The following PALD1 variants were observed in gnomAD, a reference collection of about 807,000 sequenced individuals.
PALD1 encodes the protein phosphatase domain containing paladin 1.
PALD1 carries 57 observed loss-of-function variants against 96.0 expected under a neutral mutation model. The ratio of observed to expected loss-of-function variants is 0.59; its 90% CI spans 0.48 to 0.74. The LOEUF is 0.74. Ranked by LOEUF, PALD1 falls within the 30% of genes least tolerant of loss-of-function variation. The probability of loss-of-function intolerance (pLI) is 0.00; values close to 1 mark genes in which losing one functional copy is unlikely to be tolerated. For missense variants in PALD1, 1,063 were observed against 1,143.7 expected (o/e 0.93, Z 1.02); for synonymous variants, 464 against 473.6 (o/e 0.98, Z 0.26).
intron 1 of PALD1, among the ~76,000 whole-genome samples, chr10:70,517,983 A>G (rs948593515): frequency 6.6e-6 from 1 of 152,026 alleles, no homozygotes; most frequent in Admixed American, 6.6e-5. Flanking sequence ...GGCTTACTGC[A>G]ACCTCTGCCT....
chr10:70,536,457 ACTT>A (rs1387037543), intron 10 of PALD1, among the ~76,000 whole-genome samples: 2 of 152,238 alleles, frequency 1.3e-5, no homozygotes, highest in African/African-American at 4.8e-5. Context: ...CAGTGTAAAT[ACTT>A]CTTTGTTGAG....
intron 1 of PALD1, among the ~76,000 whole-genome samples, chr10:70,503,777 C>T (rs1846338629): frequency 6.6e-6 from 1 of 152,180 alleles, no homozygotes. Context: ...GATCTGTCCA[C>T]TTTAACTTTT....
chr10:70,510,019 G>A (rs1000713641), intron 1 of PALD1, among the ~76,000 whole-genome samples: 5 of 152,208 alleles, frequency 3.3e-5, no homozygotes, highest in African/African-American at 1.2e-4. Context: ...CTTCTAGTGG[G>A]GCTTTTTTTT....
chr10:70,477,717 C>T (rs1356112758), upstream of PALD1, among the ~76,000 whole-genome samples: 1 of 152,132 alleles, frequency 6.6e-6, no homozygotes, highest in Non-Finnish European at 1.5e-5. Context: ...CCCAGCCCAG[C>T]GCTCTCCAGC....
At position 70,561,057 on chromosome 10, in the gene PALD1, G is replaced by A. The variant is rs80118308; in HGVS notation, c.2263-3307G>A. Among the ~76,000 whole-genome samples, 1,399 of 152,262 alleles carry A rather than the reference G, an allele frequency of 9.2e-3. 25 individuals are homozygous for A. Among genetic ancestry groups the A allele is most frequent in the African/African-American group, 0.031 (1,308 of 41,526 alleles). On this transcript the variant is annotated intron_variant, in intron 18 of 19. Coordinates refer to ENST00000263563, the MANE Select transcript of PALD1 (RefSeq NM_014431.3). ...AACCTTCTGGGGGCGGGGGTCAGGC[G>A]TCACCTGTACACAGTGGTCTGAATT...
At position 70,541,993 on chromosome 10, in the gene PALD1, A is replaced by C. The variant is rs866990356; in HGVS notation, c.2121+459A>C. Among the ~76,000 whole-genome samples the C allele has an allele frequency of 4.5e-3, 688 of 152,292 alleles. 2 individuals carry two copies. Among genetic ancestry groups the C allele is most frequent in the African/African-American group, 0.016 (646 of 41,572 alleles). ...AGATTTAGTCATCCATGTATTGTGC[A>C]CCTGCCACATGCCACAGGCCATCTT... On this transcript the variant is annotated intron_variant, in intron 17 of 19. Coordinates refer to ENST00000263563, the MANE Select transcript of PALD1 (RefSeq NM_014431.3).
intron 17 of PALD1, among the ~76,000 whole-genome samples, chr10:70,545,580 G>A (rs1161452648): frequency 6.6e-6 from 1 of 152,066 alleles, no homozygotes; most frequent in Non-Finnish European, 1.5e-5. Context: ...GTAAGGGGCA[G>A]ATTATATCAT....
At chr10:70,489,228 G>A (rs1364988126) in intron 1 of PALD1, among the ~76,000 whole-genome samples, 2 of 152,160 alleles carry the variant, frequency 1.3e-5, no homozygotes, top group African/African-American at 4.8e-5. Flanking sequence ...CCTGGGCTCA[G>A]ATTTTCACCC....
chr10:70,467,742 T>C, the PALD1 span, among the ~76,000 whole-genome samples: 61 of 151,780 alleles, frequency 4.0e-4, no homozygotes, highest in African/African-American at 1.4e-3. Flanking sequence ...TTGTGAGGAG[T>C]GAGATCATGA....
chr10:70,495,842 C>CA (rs58815668), intron 1 of PALD1, among the ~76,000 whole-genome samples: 2,976 of 86,640 alleles, frequency 0.034, 67 homozygotes, highest in African/African-American at 0.091. Flanking sequence ...CTTGTCTCTA[C>CA]AAAAAAAAAA....
rs1847866812 is a variant in PALD1 at position 70,566,842 on chromosome 10, C to T, written c.*109C>T. 4 of 673,398 alleles carry T rather than the reference C, an allele frequency of 5.9e-6. No individual in the cohort carries two copies. The South Asian group carries it at 8.0e-5, about 14-fold the overall frequency. The allele number at this position is 673,398 out of a possible 1,614,324, so 41.7% of individuals were successfully genotyped here. A position where few individuals can be genotyped will look rare whatever the true frequency, so the allele number is the denominator to read the frequency against. On this transcript the variant is annotated 3_prime_UTR_variant, in exon 20 of 20. Coordinates refer to ENST00000263563, the MANE Select transcript of PALD1 (RefSeq NM_014431.3). ...GAGGGGTGCTGGCCTTGAAATGATT[C>T]CCCCACTTCCTGGAGAGACTGAGCG...
In PALD1 at chr10:70,534,084, C is replaced by T. The variant is rs562924095; in HGVS notation, c.1022+11C>T. 8.2e-6 allele frequency: 13 copies of T among 1,581,822 alleles called. No homozygotes were observed. The highest frequency in any genetic ancestry group is 6.8e-5 in the East Asian group (3 of 43,892). ...CACCTCCCAGCCAGAGTGAGTGGCC[C>T]GGGGCCCAGCGTCCTGAAGGGCTGT... On this transcript the variant is annotated intron_variant, in intron 8 of 19. Coordinates refer to ENST00000263563, the MANE Select transcript of PALD1 (RefSeq NM_014431.3).
At chr10:70,486,078 G>T in intron 1 of PALD1, 1 of 224,932 alleles carries the variant, frequency 4.4e-6, no homozygotes, top group South Asian at 8.3e-5. Context: ...GATTGTTTAG[G>T]ATTTGAGAGG....
chr10:70,540,053 A>G lies in PALD1; in HGVS notation c.1908+291A>G, dbSNP rs572394426. On this transcript the variant is annotated intron_variant, in intron 15 of 19. Coordinates refer to ENST00000263563, the MANE Select transcript of PALD1 (RefSeq NM_014431.3). This position sits in a 1 kb window ranked among gnomAD's most constrained non-coding sequence, Gnocchi z 4.2. ...TACGTATGTGCATATGTGTTATAAG[A>G]TGTGTGTACATGTGTTTATTATGTT... Among the ~76,000 whole-genome samples the G allele has an allele frequency of 4.0e-5, 6 of 151,570 alleles. No homozygotes were observed. The highest frequency in any genetic ancestry group is 2.0e-4 in the Admixed American group (3 of 15,234).
intron 1 of PALD1, among the ~76,000 whole-genome samples, chr10:70,483,686 T>C (rs767850134): frequency 6.6e-6 from 1 of 152,232 alleles, no homozygotes; most frequent in Non-Finnish European, 1.5e-5. Flanking sequence ...CTTCCCAGAA[T>C]GGAGGCCTGG....
intron 1 of PALD1, among the ~76,000 whole-genome samples, chr10:70,509,281 C>G (rs1415517415): frequency 2.0e-5 from 3 of 152,156 alleles, no homozygotes; most frequent in Non-Finnish European, 2.9e-5. Context: ...GCAGGAAGAG[C>G]CAGCTGCGGA....
At chr10:70,563,841 A>G (rs1847787827) in intron 18 of PALD1, among the ~76,000 whole-genome samples, 1 of 152,186 alleles carries the variant, frequency 6.6e-6, no homozygotes, top group South Asian at 2.1e-4. Flanking sequence ...TGTAGCCTTG[A>G]TGACCCCTGC....
intron 18 of PALD1, among the ~76,000 whole-genome samples, chr10:70,548,255 AGATCGTGCC>A (rs1380181674): frequency 2.6e-5 from 4 of 152,312 alleles, no homozygotes; most frequent in African/African-American, 9.6e-5. Flanking sequence ...CGGTGAGCCA[AGATCGTGCC>A]ATTGCACTCC....
At chr10:70,537,590 G>A (rs763671625) in intron 10 of PALD1, among the ~76,000 whole-genome samples, 1 of 152,230 alleles carries the variant, frequency 6.6e-6, no homozygotes, top group Non-Finnish European at 1.5e-5. Flanking sequence ...ACAGTGCCTG[G>A]TGTGGTCACC....
Sources: gnomAD v4.1 joint callset for allele counts (sites outside exome capture counted in the v4.1 genomes callset) on GRCh38, gnomAD v4.1.1 for gene constraint, Gnocchi (gnomAD v3.1) non-coding constraint, MANE v1.5 for transcripts, NCBI Gene and HGNC (gene_info 2026-07-23, HGNC 2026-07-21) for gene names.